Variants in ZC3H12B observed in about 807,000 individuals in gnomAD.
ZC3H12B encodes zinc finger CCCH-type containing 12B.
A neutral mutation model predicts 43.9 loss-of-function variants in ZC3H12B; 7 were observed. The observed-to-expected ratio is 0.16, with a 90% confidence interval of 0.09 to 0.30. The LOEUF (loss-of-function observed/expected upper bound fraction) is 0.30, where lower values mean the gene tolerates loss of function less well. Among genes scored for constraint, ZC3H12B ranks in the 10% least tolerant of loss-of-function variants. ZC3H12B has a pLI of 1.00. For synonymous variants in ZC3H12B, 222 were observed against 241.7 expected, an observed-to-expected ratio of 0.92 and a Z score of 0.76; for missense variants, 475 against 670.2, an observed-to-expected ratio of 0.71 and a Z score of 3.22.
chrX:65,335,273 A>T, the ZC3H12B span, among the ~76,000 whole-genome samples: 1 of 111,296 alleles, frequency 9.0e-6, no homozygotes, highest in Admixed American at 9.6e-5. Context: ...TTTCTGAAGG[A>T]GTCCCAGGCT....
exon 5 of ZC3H12B, chrX:65,506,362 A>T (rs1014341734): frequency 2.7e-5 from 3 of 112,632 alleles, no homozygotes; most frequent in African/African-American, 9.7e-5. Flanking sequence ...CCTAGTTATT[A>T]GAGAAACATT....
chrX:65,193,206 C>T, the ZC3H12B span, among the ~76,000 whole-genome samples: 2 of 109,224 alleles, frequency 1.8e-5, no homozygotes, highest in Non-Finnish European at 3.8e-5. Context: ...CCTTCCTCCT[C>T]AATTTTTTGG....
the ZC3H12B span, among the ~76,000 whole-genome samples, chrX:65,297,225 A>G: frequency 8.1e-5 from 9 of 110,969 alleles, no homozygotes; most frequent in Non-Finnish European, 1.3e-4. Flanking sequence ...TTCGCCAATA[A>G]TATAATCATA....
At chrX:65,450,715 GTATACATATGTGTATATATGTA>G (rs2067479950) in intron 3 of ZC3H12B, among the ~76,000 whole-genome samples, 1 of 9,750 alleles carries the variant, frequency 1.0e-4, no homozygotes, top group Non-Finnish European at 1.4e-4. Flanking sequence ...ATATGTATAT[GTATACATATGTGTATATATGTA>G]TATATATATA....
chrX:65,265,279 G>C, the ZC3H12B span, among the ~76,000 whole-genome samples: 1 of 112,042 alleles, frequency 8.9e-6, no homozygotes, highest in African/African-American at 3.2e-5. Flanking sequence ...CAAATTTACA[G>C]ACTAATGAAA....
At chrX:65,446,985 T>G (rs928984460) in intron 3 of ZC3H12B, among the ~76,000 whole-genome samples, 6 of 112,079 alleles carry the variant, frequency 5.4e-5, no homozygotes, top group African/African-American at 1.9e-4. Flanking sequence ...CTTTTCAGTA[T>G]GGACTTCCTT....
At chrX:65,374,788 C>A (rs1406161485) in intron 2 of ZC3H12B, among the ~76,000 whole-genome samples, 1 of 111,056 alleles carries the variant, frequency 9.0e-6, no homozygotes, top group East Asian at 2.8e-4. Context: ...GCAATCATGT[C>A]CTTCTTCACA....
the ZC3H12B span, among the ~76,000 whole-genome samples, chrX:65,164,147 C>T: frequency 2.9e-4 from 32 of 111,501 alleles, no homozygotes; most frequent in African/African-American, 1.0e-3. Flanking sequence ...AAATCCACTT[C>T]TCCAAGAAGT....
At chrX:65,325,280 G>A in the ZC3H12B span, among the ~76,000 whole-genome samples, 13 of 111,127 alleles carry the variant, frequency 1.2e-4, no homozygotes, top group South Asian at 2.2e-3. Context: ...GAGATAAAAG[G>A]CATCTAAATG....
At chrX:65,332,228 G>T in the ZC3H12B span, among the ~76,000 whole-genome samples, 1 of 110,493 alleles carries the variant, frequency 9.1e-6, no homozygotes, top group African/African-American at 3.3e-5. Context: ...AACTTCTTCA[G>T]GCTGAACAGG....
intron 1 of ZC3H12B, among the ~76,000 whole-genome samples, chrX:65,489,850 C>T (rs947905593): frequency 2.7e-5 from 3 of 111,850 alleles, no homozygotes; most frequent in Non-Finnish European, 5.6e-5. Flanking sequence ...CCTGTCCCTC[C>T]TCCCATTTGA....
chrX:65,458,085 T>TAAAA (rs59738258), intron 3 of ZC3H12B, among the ~76,000 whole-genome samples: 23 of 49,028 alleles, frequency 4.7e-4, no homozygotes, highest in South Asian at 8.7e-4. Context: ...AAAAAAAAAT[T>TAAAA]AAAAAAAAAA....
intron 3 of ZC3H12B, among the ~76,000 whole-genome samples, chrX:65,408,905 G>A (rs1029291227): frequency 8.9e-6 from 1 of 111,796 alleles, no homozygotes; most frequent in Non-Finnish European, 1.9e-5. Context: ...CAACTGCCTA[G>A]TTAATGCCAG....
the ZC3H12B span, among the ~76,000 whole-genome samples, chrX:65,111,118 G>A: frequency 1.8e-5 from 2 of 110,857 alleles, no homozygotes; most frequent in African/African-American, 6.5e-5. Flanking sequence ...ACTAGTTCTG[G>A]GAGTGTTTTG....
chrX:65,158,303 G>T, the ZC3H12B span, among the ~76,000 whole-genome samples: 1 of 111,443 alleles, frequency 9.0e-6, no homozygotes, highest in Non-Finnish European at 1.9e-5. Flanking sequence ...TGGAATGGCT[G>T]AGTCAAATGG....
At chrX:65,388,994 G>T (rs980626487) in intron 2 of ZC3H12B, among the ~76,000 whole-genome samples, 1 of 111,887 alleles carries the variant, frequency 8.9e-6, no homozygotes, top group Non-Finnish European at 1.9e-5. Flanking sequence ...TCGTTCCTCT[G>T]GAAGTTTTGT....
chrX:65,193,279 A>G, the ZC3H12B span, among the ~76,000 whole-genome samples: 2 of 110,800 alleles, frequency 1.8e-5, no homozygotes, highest in African/African-American at 6.6e-5. Flanking sequence ...CAGTGAAGCC[A>G]ATTTGCTGGA....
chrX:65,227,818 C>T, the ZC3H12B span, among the ~76,000 whole-genome samples: 1 of 111,148 alleles, frequency 9.0e-6, no homozygotes, highest in African/African-American at 3.3e-5. Context: ...ATACACCCTC[C>T]CAAGACTAAA....
chrX:65,211,102 AAAG>A, the ZC3H12B span, among the ~76,000 whole-genome samples: 3 of 104,196 alleles, frequency 2.9e-5, no homozygotes, highest in East Asian at 3.0e-4. Context: ...AAAAAAAAAA[AAAG>A]AACTTTTGAG....
Sources: gnomAD v4.1 joint callset for allele counts (sites outside exome capture counted in the v4.1 genomes callset) on GRCh38, gnomAD v4.1.1 for gene constraint, MANE v1.5 for transcripts, NCBI Gene and HGNC (gene_info 2026-07-23, HGNC 2026-07-21) for gene names.